Variants in RELCH observed in about 807,000 individuals in gnomAD.
The protein encoded by RELCH is RAB11-binding protein RELCH.
In RELCH, 41 loss-of-function variants were observed where a neutral mutation model predicts 150.3. That is an observed-to-expected ratio of 0.27 (90% CI 0.21 to 0.35). RELCH has a LOEUF of 0.35. RELCH is among the 10% of genes least tolerant of loss of function. RELCH has a pLI of 1.00. For missense variants in RELCH, 1,092 were observed against 1,467.8 expected (o/e 0.74, Z 4.18); for synonymous variants, 478 against 531.8 (o/e 0.90, Z 1.39).
At chr18:62,193,833 G>A (rs1599762318) in intron 1 of RELCH, among the ~76,000 whole-genome samples, 1 of 152,036 alleles carries the variant, frequency 6.6e-6, no homozygotes, top group Non-Finnish European at 1.5e-5. Context: ...TTTAAATTAA[G>A]GTTTTTTACA....
chr18:62,216,791 G>A (rs1472174279), intron 2 of RELCH, among the ~76,000 whole-genome samples: 2 of 151,806 alleles, frequency 1.3e-5, no homozygotes, highest in African/African-American at 2.4e-5. Context: ...TCATTTCTTA[G>A]GTAATGGCCT....
intron 5 of RELCH, among the ~76,000 whole-genome samples, chr18:62,225,367 C>A (rs1391553737): frequency 6.6e-6 from 1 of 151,960 alleles, no homozygotes; most frequent in Non-Finnish European, 1.5e-5. Context: ...TTAATAACTT[C>A]TGCTGTTTGG....
At chr18:62,203,593 G>A (rs1010974049) in intron 1 of RELCH, among the ~76,000 whole-genome samples, 8 of 152,292 alleles carry the variant, frequency 5.3e-5, no homozygotes, top group African/African-American at 1.2e-4. Context: ...ATTATTGTTG[G>A]AATTCAGATT....
In RELCH at chr18:62,275,426, G is replaced by C; in HGVS notation, c.2920G>C (p.Val974Leu). The change falls in exon 22 of 29, where the codon GTC becomes CTC. Residue 974 changes from valine to leucine, a missense_variant. By Grantham distance (32) the Val-to-Leu change is conservative. This residue lies in a region of RELCH where 707 missense variants were observed against 1,025.4 expected (regional missense o/e 0.69). Transcript: ENST00000644646. ...ATTAACTGTTTTGTGGTATGGTGTT[G>C]TCCATACTTCAGCACTCGTGAGGTG... Reference protein sequence around the residue: ...LLLTVLWYGVVHTSALVRCTA... With the variant: ...LLLTVLWYGVLHTSALVRCTA... 2 of 1,598,382 alleles carry C rather than the reference G, an allele frequency of 1.3e-6. No homozygotes were observed. Among genetic ancestry groups the C allele is most frequent in the Non-Finnish European group, 1.7e-6 (2 of 1,173,720 alleles).
chr18:62,261,792 A>C, intron 16 of RELCH, 134 bp downstream of exon 16: 1 of 678,770 alleles, frequency 1.5e-6, no homozygotes, highest in Admixed American at 3.1e-5. Flanking sequence ...TGTGTGTAGA[A>C]TCTCATGGTC....
At chr18:62,203,329 C>T (rs564361571) in intron 1 of RELCH, among the ~76,000 whole-genome samples, 10 of 151,948 alleles carry the variant, frequency 6.6e-5, no homozygotes, top group Non-Finnish European at 1.2e-4. Context: ...TGGTGGCGGG[C>T]GCCTGTAGTC....
intron 19 of RELCH, among the ~76,000 whole-genome samples, chr18:62,267,518 GTA>G (rs2043650709): frequency 8.2e-6 from 1 of 122,050 alleles, no homozygotes; most frequent in Non-Finnish European, 1.7e-5. Flanking sequence ...GTGTGTGTGT[GTA>G]TACATATATA....
intron 2 of RELCH, among the ~76,000 whole-genome samples, chr18:62,216,875 C>A (rs1317163240): frequency 6.6e-6 from 1 of 151,904 alleles, no homozygotes; most frequent in Non-Finnish European, 1.5e-5. Flanking sequence ...TCCCTAGGTA[C>A]AGATAAATCT....
chr18:62,288,052 A>T (rs2044907239), intron 26 of RELCH, among the ~76,000 whole-genome samples: 1 of 152,130 alleles, frequency 6.6e-6, no homozygotes, highest in Non-Finnish European at 1.5e-5. Context: ...TTTTATAGTT[A>T]AAAGCAAAAC....
At chr18:62,255,770 A>G (rs749528348) in intron 13 of RELCH, among the ~76,000 whole-genome samples, 3 of 152,068 alleles carry the variant, frequency 2.0e-5, no homozygotes, top group Non-Finnish European at 4.4e-5. Context: ...AAGGTCCATG[A>G]GGAGAAAACT....
At chr18:62,258,747 G>T (rs778498888) in intron 15 of RELCH, 71 bp downstream of exon 15, 82 of 1,088,694 alleles carry the variant, frequency 7.5e-5, no homozygotes, top group Non-Finnish European at 9.7e-5. Context: ...TTGGAACAAT[G>T]TTAGAGAACA....
At chr18:62,236,114 TAAAGA>T (rs1360413365) in intron 10 of RELCH, among the ~76,000 whole-genome samples, 4 of 151,978 alleles carry the variant, frequency 2.6e-5, no homozygotes, top group Non-Finnish European at 5.9e-5. Context: ...TTTGTCATAT[TAAAGA>T]AGTTTCCTTT....
Position 62,308,711 on chromosome 18 carries a change from C to G in RELCH, c.*3177C>G, listed in dbSNP as rs2045940870. Reference sequence around the variant, plus strand: ...CAGCCTGGTCCACAGAGCAAGACTCCATCTCAAAAACAAAAAAAAAAGCTT... The same window carrying G: ...CAGCCTGGTCCACAGAGCAAGACTCGATCTCAAAAACAAAAAAAAAAGCTT... On this transcript the variant is annotated 3_prime_UTR_variant, in exon 29 of 29. Transcript: ENST00000644646. The G allele has an allele frequency of 6.6e-6, 1 of 151,430 alleles. No individual in the cohort carries two copies. The highest frequency in any genetic ancestry group is 2.4e-5 in the African/African-American group (1 of 41,222). 9.4% of individuals were successfully genotyped at this position (151,430 alleles called of 1,614,324 possible).
chr18:62,194,903 C>G (rs2038916675), intron 1 of RELCH, among the ~76,000 whole-genome samples: 1 of 151,990 alleles, frequency 6.6e-6, no homozygotes, highest in Non-Finnish European at 1.5e-5. Context: ...TGTTTAAGAA[C>G]AATGCAATCC....
intron 16 of RELCH, among the ~76,000 whole-genome samples, chr18:62,262,127 A>G (rs2043304278): frequency 6.6e-6 from 1 of 152,118 alleles, no homozygotes; most frequent in Non-Finnish European, 1.5e-5. Context: ...AAAGAAATAT[A>G]AAAGCATCTG....
intron 22 of RELCH, chr18:62,277,781 A>T: frequency 1.2e-6 from 1 of 821,492 alleles, no homozygotes; most frequent in Non-Finnish European, 1.5e-6. Flanking sequence ...TTTTTGAAGT[A>T]GCAAATTAAT....
chr18:62,245,238 T>G (rs1043863229), intron 11 of RELCH, among the ~76,000 whole-genome samples: 3 of 152,218 alleles, frequency 2.0e-5, no homozygotes, highest in Non-Finnish European at 4.4e-5. Flanking sequence ...TATGTATAAA[T>G]CCTACTAAGA....
intron 5 of RELCH, among the ~76,000 whole-genome samples, chr18:62,225,761 G>A (rs1011982358): frequency 6.6e-6 from 1 of 151,786 alleles, no homozygotes; most frequent in African/African-American, 2.4e-5. Flanking sequence ...ATGATAGATA[G>A]ATGGACATTT....
rs1361699309 is a variant in RELCH, at chr18:62,263,231, G to A, written c.2351-758G>A. On this transcript the variant is annotated intron_variant, in intron 16 of 28. Coordinates refer to ENST00000644646, the MANE Select transcript of RELCH (RefSeq NM_001346231.2). The stretch of plus-strand genomic sequence containing the variant: ...GGGGGCAGTTCAACTCATAATACTT[G>A]TTATCATTCTCTCATTTATTTAACA... Among the ~76,000 whole-genome samples, 8 of 152,062 alleles carry A rather than the reference G, an allele frequency of 5.3e-5. No individual in the cohort carries two copies. In the East Asian group the frequency reaches 1.2e-3, roughly 22 times the overall value.
Sources: allele counts gnomAD v4.1 joint callset (sites outside exome capture counted in the v4.1 genomes callset), GRCh38; gene constraint gnomAD v4.1.1; regional missense constraint gnomAD v4.1.1; transcripts MANE v1.5; gene names NCBI Gene and HGNC (gene_info 2026-07-23, HGNC 2026-07-21).